Variants in NIBAN1 observed in about 807,000 individuals in gnomAD.
NIBAN1 encodes protein Niban 1.
Under a neutral mutation model 75.1 loss-of-function variants are expected in NIBAN1, and 81 were observed. The observed-to-expected ratio is 1.08, with a 90% CI of 0.90 to 1.30. NIBAN1 has a LOEUF of 1.30. Among genes scored for constraint, NIBAN1 ranks in the 50% most tolerant of loss-of-function variants. The probability of loss-of-function intolerance (pLI) is 0.00; values close to 1 mark genes in which losing one functional copy is unlikely to be tolerated. For synonymous variants in NIBAN1, 436 were observed against 424.8 expected, an observed-to-expected ratio of 1.03 and a Z score of -0.32; for missense variants, 1,133 against 1,128.1, an observed-to-expected ratio of 1.00 and a Z score of -0.06.
intron 2 of NIBAN1, among the ~76,000 whole-genome samples, chr1:184,894,577 C>T (rs1156305755): frequency 6.6e-6 from 1 of 152,134 alleles, no homozygotes; most frequent in African/African-American, 2.4e-5. Context: ...GTGTGGATAC[C>T]TACCTGGACA....
chr1:184,940,300 T>G (rs1481285262), intron 1 of NIBAN1, among the ~76,000 whole-genome samples: 1 of 152,184 alleles, frequency 6.6e-6, no homozygotes, highest in African/African-American at 2.4e-5. Flanking sequence ...CAATCTCCAC[T>G]TCCACTGCAA....
chr1:184,970,747 TGTTTATCCCATG>T (rs1658914469), intron 1 of NIBAN1, among the ~76,000 whole-genome samples: 1 of 152,224 alleles, frequency 6.6e-6, no homozygotes, highest in African/African-American at 2.4e-5. Context: ...CACTAGGATC[TGTTTATCCCATG>T]GTTTTCAGCT....
chr1:184,884,495 G>T, intron 5 of NIBAN1, 138 bp downstream of exon 5: 2 of 1,142,460 alleles, frequency 1.8e-6, no homozygotes, highest in Non-Finnish European at 2.4e-6. Flanking sequence ...AAAGTGCTGG[G>T]ATTACAGGCA....
At chr1:184,840,953 G>A (rs1406680920) in intron 5 of NIBAN1, among the ~76,000 whole-genome samples, 1 of 115,502 alleles carries the variant, frequency 8.7e-6, no homozygotes, top group Non-Finnish European at 1.9e-5. Context: ...AGAAAAGAGT[G>A]TGAGTGTGTG....
intron 5 of NIBAN1, among the ~76,000 whole-genome samples, chr1:184,836,512 T>A (rs1049585187): frequency 2.6e-5 from 4 of 152,142 alleles, no homozygotes; most frequent in African/African-American, 9.7e-5. Flanking sequence ...ACAATGACAC[T>A]CCCACTGATG....
chr1:184,867,719 A>AG, intron 5 of NIBAN1: 2 of 280,776 alleles, frequency 7.1e-6, no homozygotes, highest in Non-Finnish European at 1.1e-5. Context: ...CTGGAAAGTC[A>AG]GGAGGAAATC....
At chr1:184,804,694 TTGACAC>T (rs1413679418) in intron 11 of NIBAN1, among the ~76,000 whole-genome samples, 1 of 152,188 alleles carries the variant, frequency 6.6e-6, no homozygotes, top group African/African-American at 2.4e-5. Context: ...GCTAAAGCAT[TTGACAC>T]TGACACTATC....
chr1:184,796,244 A>C, intron 13 of NIBAN1, 147 bp from the exon 14 acceptor site: 1 of 708,616 alleles, frequency 1.4e-6, no homozygotes, highest in Non-Finnish European at 2.2e-6. Context: ...AAGTCTATAA[A>C]CTCTTTCCAA....
chr1:184,944,765 A>G (rs1242613811), intron 1 of NIBAN1, among the ~76,000 whole-genome samples: 2 of 152,238 alleles, frequency 1.3e-5, no homozygotes, highest in Admixed American at 1.3e-4. Context: ...AAATGTTCCC[A>G]AAGTAATACT....
At chr1:184,898,591 G>A (rs1656866484) in intron 2 of NIBAN1, among the ~76,000 whole-genome samples, 1 of 152,190 alleles carries the variant, frequency 6.6e-6, no homozygotes, top group Non-Finnish European at 1.5e-5. Flanking sequence ...ACTCCAGCCT[G>A]AACCACAGAG....
At chr1:184,828,807 C>T (rs542684729) in intron 6 of NIBAN1, among the ~76,000 whole-genome samples, 1 of 97,330 alleles carries the variant, frequency 1.0e-5, no homozygotes, top group Admixed American at 1.2e-4. Context: ...AGAAGCAAAA[C>T]CATTTTTTTT....
intron 1 of NIBAN1, among the ~76,000 whole-genome samples, chr1:184,934,881 AG>A (rs1657914705): frequency 6.6e-6 from 1 of 150,998 alleles, no homozygotes; most frequent in Admixed American, 6.6e-5. Context: ...GGAGACAGAG[AG>A]ACTCCATCTC....
chr1:184,891,628 C>T (rs1158230649), intron 3 of NIBAN1, among the ~76,000 whole-genome samples: 1 of 152,162 alleles, frequency 6.6e-6, no homozygotes, highest in East Asian at 1.9e-4. Flanking sequence ...CATGGCCCAG[C>T]AGTGAGTAGG....
At chr1:184,807,131 C>A (rs1557871460) in intron 10 of NIBAN1, among the ~76,000 whole-genome samples, 1 of 152,148 alleles carries the variant, frequency 6.6e-6, no homozygotes. Flanking sequence ...ATTTGTCTCA[C>A]TCAAGCTCCC....
At chr1:184,816,114 C>T (rs559589701) in intron 9 of NIBAN1, among the ~76,000 whole-genome samples, 21 of 152,294 alleles carry the variant, frequency 1.4e-4, no homozygotes, top group Non-Finnish European at 2.2e-4. Context: ...CTTAGTCAAG[C>T]GAGTAGACTC....
At chr1:184,952,372 G>A (rs931934569) in intron 1 of NIBAN1, among the ~76,000 whole-genome samples, 14 of 152,166 alleles carry the variant, frequency 9.2e-5, no homozygotes, top group African/African-American at 3.4e-4. Context: ...CTACACTCCA[G>A]CCTGGGCGAC....
chr1:184,798,904 A>G (rs901207294), intron 12 of NIBAN1, among the ~76,000 whole-genome samples: 13 of 152,290 alleles, frequency 8.5e-5, no homozygotes, highest in African/African-American at 1.4e-4. Flanking sequence ...TGCTGCATCT[A>G]TCAGTAGCTC....
At chr1:184,919,926 G>C (rs891262327) in intron 1 of NIBAN1, among the ~76,000 whole-genome samples, 58 of 151,862 alleles carry the variant, frequency 3.8e-4, no homozygotes, top group Non-Finnish European at 7.2e-4. Context: ...GCTGGGGGAG[G>C]GGGAGGTGTT....
At chr1:184,925,375 C>T (rs1374175359) in intron 1 of NIBAN1, among the ~76,000 whole-genome samples, 1 of 151,962 alleles carries the variant, frequency 6.6e-6, no homozygotes, top group Non-Finnish European at 1.5e-5. Flanking sequence ...CATTCTATGT[C>T]TTTTGATTGG....
Sources: gnomAD v4.1 joint callset for allele counts (sites outside exome capture counted in the v4.1 genomes callset) on GRCh38, gnomAD v4.1.1 for gene constraint, MANE v1.5 for transcripts, NCBI Gene and HGNC (gene_info 2026-07-23, HGNC 2026-07-21) for gene names.